The following USH2A variants were observed in gnomAD, a reference collection of about 807,000 sequenced individuals.
USH2A encodes the protein usherin.
Under a neutral mutation model 538.9 loss-of-function variants are expected in USH2A, and 443 were observed. The ratio of observed to expected loss-of-function variants is 0.82; its 90% CI spans 0.76 to 0.89. The LOEUF is 0.89. USH2A is among the 40% of genes least tolerant of loss of function. USH2A has a pLI of 0.00. For synonymous variants in USH2A, 2,413 were observed against 2,273.5 expected, an observed-to-expected ratio of 1.06 and a Z score of -1.75; for missense variants, 6,633 against 6,324.8, an observed-to-expected ratio of 1.05 and a Z score of -1.65.
intron 60 of USH2A, among the ~76,000 whole-genome samples, chr1:215,730,083 A>G (rs903798940): frequency 6.6e-6 from 1 of 152,208 alleles, no homozygotes; most frequent in African/African-American, 2.4e-5. Flanking sequence ...ACTAGGGCCA[A>G]ATGCATACTC....
rs2032219988 is a variant in USH2A, at chr1:216,089,052, G to C, written c.4846C>G (p.Gln1616Glu). Residue 1616 changes from glutamine to glutamate, a missense_variant, in exon 23 of 72, where the codon CAG (glutamine) becomes GAG (glutamate). By Grantham distance (29) the Gln-to-Glu change is conservative. Transcript: ENST00000307340. ...TCCAGAGTGATTTGGCCAAAAGCCTGATGCCTAATAGCAATTATTTCATGC... is the reference window on the plus strand; with the variant it reads ...TCCAGAGTGATTTGGCCAAAAGCCTCATGCCTAATAGCAATTATTTCATGC... The part of the protein sequence containing the change: ...KWHEIIAIRH[Q>E]AFGQITLDGI... 1.9e-6 allele frequency: 3 copies of C among 1,613,506 alleles called. No individual in the cohort carries two copies. Among genetic ancestry groups the C allele is most frequent in the Non-Finnish European group, 2.5e-6 (3 of 1,179,626 alleles).
intron 49 of USH2A, among the ~76,000 whole-genome samples, chr1:215,807,297 G>A (rs1278050206): frequency 6.6e-6 from 1 of 152,130 alleles, no homozygotes; most frequent in Non-Finnish European, 1.5e-5. Context: ...ATATTTGGAT[G>A]TATAAAGTAA....
At chr1:216,014,037 A>C (rs1191374441) in intron 32 of USH2A, among the ~76,000 whole-genome samples, 1 of 152,216 alleles carries the variant, frequency 6.6e-6, no homozygotes, top group East Asian at 1.9e-4. Flanking sequence ...GTATTTCCAT[A>C]AGAAGATGAA....
Position 215,728,069 on chromosome 1 carries a change from A to T in USH2A, c.12027T>A (p.Pro4009=), listed in dbSNP as rs752752496. ...RVVYQERPDD[P]TFNSPTVHAF... is the part of the protein sequence containing the mutation. ...CATGCACGGTAGGGCTGTTAAATGTAGGATCGTCGGGTCTCTCCTGGTAGA... is the reference window on the plus strand; with the variant it reads ...CATGCACGGTAGGGCTGTTAAATGTTGGATCGTCGGGTCTCTCCTGGTAGA... The change falls in exon 61 of 72, where the codon CCT becomes CCA. Residue 4009 remains proline, a synonymous_variant. Coordinates refer to ENST00000307340, the MANE Select transcript of USH2A (RefSeq NM_206933.4). 1 of 1,614,220 alleles carries T rather than the reference A, an allele frequency of 6.2e-7. No homozygotes were observed. The highest frequency in any genetic ancestry group is 2.2e-5 in the East Asian group (1 of 44,880).
chr1:215,889,164 G>C (rs954130775), intron 40 of USH2A, 110 bp from the exon 41 acceptor site: 2 of 1,202,518 alleles, frequency 1.7e-6, no homozygotes, highest in Non-Finnish European at 1.2e-6. Context: ...ATGAACACTT[G>C]GTAAAGGCCA....
intron 40 of USH2A, among the ~76,000 whole-genome samples, chr1:215,894,292 A>C (rs76868325): frequency 0.022 from 3,366 of 152,272 alleles, 55 homozygotes; most frequent in East Asian, 0.064. Flanking sequence ...GCGTAGAATG[A>C]TTTTAAGGAT....
At chr1:216,265,635 G>GAT (rs55801516) in intron 11 of USH2A, among the ~76,000 whole-genome samples, 11 of 149,252 alleles carry the variant, frequency 7.4e-5, no homozygotes, top group Admixed American at 1.3e-4. Context: ...AAGAAAATTT[G>GAT]ATATATATAT....
chr1:215,696,161 T>C (rs552173472), intron 61 of USH2A, among the ~76,000 whole-genome samples: 4 of 152,268 alleles, frequency 2.6e-5, no homozygotes, highest in African/African-American at 7.2e-5. Context: ...GTTATATGTA[T>C]TATATACTGC....
At chr1:215,947,060 C>T (rs116386326) in intron 37 of USH2A, among the ~76,000 whole-genome samples, 4,862 of 136,314 alleles carry the variant, frequency 0.036, 124 homozygotes, top group South Asian at 0.088. Context: ...TTTTTTTTAA[C>T]TGAGACTAAG....
intron 61 of USH2A, among the ~76,000 whole-genome samples, chr1:215,727,126 C>T (rs570592320): frequency 6.6e-6 from 1 of 152,130 alleles, no homozygotes; most frequent in Non-Finnish European, 1.5e-5. Context: ...AAAAAAATCA[C>T]CAGTAAGCCA....
chr1:216,294,652 A>G (rs2037069507), intron 9 of USH2A, among the ~76,000 whole-genome samples: 1 of 151,924 alleles, frequency 6.6e-6, no homozygotes. Context: ...TTTGTTAAAT[A>G]TGGTCAAATT....
At chr1:216,242,370 G>T (rs7538268) in intron 13 of USH2A, among the ~76,000 whole-genome samples, 1 of 143,312 alleles carries the variant, frequency 7.0e-6, no homozygotes, top group Non-Finnish European at 1.5e-5. Context: ...GAAAAAAAAA[G>T]AAAAAAAAAA....
At position 216,073,220 on chromosome 1, in the gene USH2A, T is replaced by C. The variant is rs768501386; in HGVS notation, c.5653A>G (p.Arg1885Gly). ...NLASVSSGAVRVNLDGCLSTD... is the reference protein window; with the variant it reads ...NLASVSSGAVGVNLDGCLSTD... Reference sequence around the variant, plus strand: ...GATAGGCATCCATCCAGATTGACTCTGACAGCACCGCTGGACACAGATGCC... The same window carrying C: ...GATAGGCATCCATCCAGATTGACTCCGACAGCACCGCTGGACACAGATGCC... The change falls in exon 28 of 72, where the codon AGA becomes GGA. Residue 1885 changes from arginine (R) to glycine (G), a missense_variant. Arg to Gly is a moderately radical substitution (Grantham distance 125). Coordinates refer to ENST00000307340, the MANE Select transcript of USH2A (RefSeq NM_206933.4). 5.8e-5 allele frequency: 93 copies of C among 1,613,944 alleles called. 4 individuals are homozygous for C. The South Asian group carries it at 1.0e-3, about 17-fold the overall frequency.
chr1:216,029,174 T>G (rs972970898), intron 32 of USH2A, among the ~76,000 whole-genome samples: 8 of 152,090 alleles, frequency 5.3e-5, no homozygotes, highest in Non-Finnish European at 1.0e-4. Flanking sequence ...AAATTAAGAC[T>G]CTCTCCACCT....
intron 70 of USH2A, 151 bp downstream of exon 70, chr1:215,634,308 C>G: frequency 7.8e-7 from 1 of 1,280,146 alleles, no homozygotes; most frequent in South Asian, 1.2e-5. Context: ...GAAAGCTGTT[C>G]TAGGGTTAGC....
intron 56 of USH2A, among the ~76,000 whole-genome samples, chr1:215,760,961 T>A (rs1394693272): frequency 6.6e-6 from 1 of 152,226 alleles, no homozygotes; most frequent in African/African-American, 2.4e-5. Flanking sequence ...ATAACCCTTT[T>A]GAATTTATTC....
chr1:216,320,524 G>GAAAATTACTACTAATTT (rs2037585526), intron 9 of USH2A, among the ~76,000 whole-genome samples: 1 of 152,140 alleles, frequency 6.6e-6, no homozygotes, highest in Non-Finnish European at 1.5e-5. Flanking sequence ...AATTTTAGTA[G>GAAAATTACTACTAATTT]AGGTGGACAA....
In USH2A at chr1:215,700,907, T is replaced by C. The variant is rs188728532; in HGVS notation, c.12067-20531A>G. On this transcript the variant is annotated intron_variant, in intron 61 of 71. Coordinates refer to ENST00000307340, the MANE Select transcript of USH2A (RefSeq NM_206933.4). The stretch of plus-strand genomic sequence containing the variant: ...TCTTTTAATTGTGATGTTAGGGTGT[T>C]GATTTTAGATCTTTCCTGCTTTCTC... Among the ~76,000 whole-genome samples, 370 of 152,206 alleles carry C rather than the reference T, an allele frequency of 2.4e-3. 1 individual carries two copies. The highest frequency in any genetic ancestry group is 8.4e-3 in the African/African-American group (350 of 41,546).
At chr1:215,828,452 C>T (rs891663917) in intron 47 of USH2A, among the ~76,000 whole-genome samples, 4 of 151,524 alleles carry the variant, frequency 2.6e-5, no homozygotes, top group Non-Finnish European at 5.9e-5. Flanking sequence ...ACAACAACAA[C>T]AAAAAAGAAA....
Sources: gnomAD v4.1 joint callset for allele counts (sites outside exome capture counted in the v4.1 genomes callset) on GRCh38, gnomAD v4.1.1 for gene constraint, MANE v1.5 for transcripts, NCBI Gene and HGNC (gene_info 2026-07-23, HGNC 2026-07-21) for gene names.